Variants in PCDH15 observed in about 807,000 individuals in gnomAD.
PCDH15 encodes protocadherin-15.
Under a neutral mutation model 178.5 loss-of-function variants are expected in PCDH15, and 129 were observed. The observed-to-expected ratio is 0.72, with a 90% CI of 0.63 to 0.84. The LOEUF is 0.84. Ranked by LOEUF, PCDH15 falls within the 40% of genes least tolerant of loss-of-function variation. The pLI is 0.00. For missense variants in PCDH15, 2,230 were observed against 2,099.9 expected (o/e 1.06, Z -1.21); for synonymous variants, 800 against 732.0 (o/e 1.09, Z -1.50).
rs1447024478 is a variant in PCDH15, at chr10:54,062,254, AAAAAAC to A, written c.2220+4497_2220+4502del. Among the ~76,000 whole-genome samples the A allele has an allele frequency of 4.8e-4, 51 of 105,376 alleles. 6 individuals carry two copies. Among genetic ancestry groups the A allele is most frequent in the African/African-American group, 8.2e-4 (24 of 29,168 alleles). 69.1% of individuals were successfully genotyped at this position (105,376 alleles called of 152,430 possible). On this transcript the variant is annotated intron_variant, in intron 18 of 37. Coordinates refer to ENST00000644397, the MANE Select transcript of PCDH15 (RefSeq NM_001384140.1). ...AAAAAAAAAAAAAAAAAAAAAAAAC[AAAAAAC>A]AACTAAATGAAAACTCCCTTCAGCA... is the stretch of plus-strand genomic sequence containing the variant.
intron 5 of PCDH15, among the ~76,000 whole-genome samples, chr10:54,357,989 C>T (rs959990920): frequency 1.3e-5 from 2 of 151,902 alleles, no homozygotes; most frequent in African/African-American, 4.9e-5. Context: ...GGATCCCTTC[C>T]TTACACCTTA....
At chr10:54,101,252 C>T (rs2094806727) in intron 15 of PCDH15, among the ~76,000 whole-genome samples, 1 of 152,216 alleles carries the variant, frequency 6.6e-6, no homozygotes, top group South Asian at 2.1e-4. Context: ...TCCCCAGCTA[C>T]ATGAACTGTA....
rs1383091106 is a variant in PCDH15 at position 54,378,832 on chromosome 10, C to T, written c.268G>A (p.Val90Ile). 7.4e-6 allele frequency: 12 copies of T among 1,613,906 alleles called. No homozygotes were observed. Among genetic ancestry groups the T allele is most frequent in the Non-Finnish European group, 7.6e-6 (9 of 1,179,882 alleles). ...NVDYWVLMDP[V>I]KQMLFLNSTG... ...CTGTTCAGGAAAAGCATTTGCTTAA[C>T]AGGATCCATCAACACCCAGTAATCC... is the stretch of plus-strand genomic sequence containing the variant. The change falls in exon 4 of 38, where the codon GTT (valine) becomes ATT (isoleucine). Residue 90 changes from valine (V) to isoleucine (I), a missense_variant. Val to Ile is a conservative substitution (Grantham distance 29, BLOSUM62 3). Coordinates refer to ENST00000644397, the MANE Select transcript of PCDH15 (RefSeq NM_001384140.1).
intron 2 of PCDH15, among the ~76,000 whole-genome samples, chr10:54,977,920 T>A (rs1341169313): frequency 1.3e-5 from 2 of 152,184 alleles, no homozygotes; most frequent in African/African-American, 4.8e-5. Context: ...GACATTCAGA[T>A]AGAATAATTA....
At position 53,806,786 on chromosome 10, in the gene PCDH15, T is replaced by C. The variant is rs1397555638; in HGVS notation, c.5016A>G (p.Thr1672=). 6.2e-7 allele frequency: 1 copy of C among 1,613,836 alleles called. No individual in the cohort carries two copies. The highest frequency in any genetic ancestry group is 2.2e-5 in the East Asian group (1 of 44,866). The stretch of plus-strand genomic sequence containing the variant: ...CAGTCCCCACAGGGCAAGGGGCAAA[T>C]GTAACCAGAGTTGGTCTTGCATTCA... The part of the protein sequence containing the change: ...EKMNARPTLV[T]FAPCPVGTDN... The change falls in exon 38 of 38, where the codon ACA becomes ACG. Residue 1672 remains threonine (T), a synonymous_variant. Coordinates refer to ENST00000644397, the MANE Select transcript of PCDH15 (RefSeq NM_001384140.1).
chr10:55,025,085 C>A (rs1014710170), intron 2 of PCDH15, among the ~76,000 whole-genome samples: 3 of 152,090 alleles, frequency 2.0e-5, no homozygotes, highest in African/African-American at 7.2e-5. Flanking sequence ...TCTCTAATAC[C>A]TTTTAATGTC....
intron 5 of PCDH15, among the ~76,000 whole-genome samples, chr10:54,347,944 G>A (rs1027897904): frequency 2.6e-5 from 4 of 152,034 alleles, no homozygotes; most frequent in African/African-American, 9.7e-5. Flanking sequence ...TGCCTCCCGG[G>A]TTCACGCCAT....
At chr10:54,686,756 T>C (rs1405746020) in intron 1 of PCDH15, among the ~76,000 whole-genome samples, 3 of 152,172 alleles carry the variant, frequency 2.0e-5, no homozygotes, top group South Asian at 2.1e-4. Flanking sequence ...CAGTATTCTA[T>C]ATGTCTGTTG....
chr10:54,830,571 C>G (rs558818209), intron 3 of PCDH15, among the ~76,000 whole-genome samples: 224 of 149,668 alleles, frequency 1.5e-3, no homozygotes, highest in Admixed American at 5.3e-3. Context: ...ACATCACAAT[C>G]TGGGGACTGT....
intron 2 of PCDH15, among the ~76,000 whole-genome samples, chr10:55,621,514 C>G (rs1181292809): frequency 6.6e-6 from 1 of 152,166 alleles, no homozygotes; most frequent in Non-Finnish European, 1.5e-5. Flanking sequence ...GTGGCATTAC[C>G]ACCTGAGCTC....
chr10:54,357,084 C>T (rs1282399144), intron 5 of PCDH15, among the ~76,000 whole-genome samples: 2 of 152,060 alleles, frequency 1.3e-5, no homozygotes, highest in Non-Finnish European at 2.9e-5. Flanking sequence ...GGAAGCATTC[C>T]CTTTGAAAAT....
intron 21 of PCDH15, among the ~76,000 whole-genome samples, chr10:53,978,657 GTTTTTT>G (rs3066397): frequency 6.3e-5 from 9 of 143,236 alleles, no homozygotes; most frequent in African/African-American, 1.8e-4. Context: ...TCCAGAAAAT[GTTTTTT>G]TTTTTTTTTT....
At chr10:55,595,938 T>C (rs1842927962) in intron 2 of PCDH15, among the ~76,000 whole-genome samples, 2 of 152,136 alleles carry the variant, frequency 1.3e-5, no homozygotes, top group Non-Finnish European at 2.9e-5. Flanking sequence ...AATAATAATG[T>C]TTGCACTGCT....
intron 3 of PCDH15, among the ~76,000 whole-genome samples, chr10:54,868,247 T>G (rs1180057637): frequency 6.6e-6 from 1 of 152,180 alleles, no homozygotes; most frequent in Non-Finnish European, 1.5e-5. Flanking sequence ...AAATTATAGA[T>G]GTAGATTATT....
intron 1 of PCDH15, among the ~76,000 whole-genome samples, chr10:54,672,894 A>C (rs1034225477): frequency 6.6e-6 from 1 of 152,086 alleles, no homozygotes; most frequent in Admixed American, 6.6e-5. Flanking sequence ...ATAAGGTTTT[A>C]AATAATAGTC....
At chr10:55,098,714 T>A (rs562649007) in intron 2 of PCDH15, among the ~76,000 whole-genome samples, 1 of 152,056 alleles carries the variant, frequency 6.6e-6, no homozygotes, top group South Asian at 2.1e-4. Context: ...TGGAACCAAT[T>A]TGCGGGCTCT....
At chr10:55,339,489 A>C (rs932803485) in intron 2 of PCDH15, among the ~76,000 whole-genome samples, 2 of 152,184 alleles carry the variant, frequency 1.3e-5, no homozygotes, top group Admixed American at 6.5e-5. Flanking sequence ...AAATACAAAA[A>C]TGCCAGTGTA....
At chr10:55,319,956 A>G (rs941012777), upstream of PCDH15, among the ~76,000 whole-genome samples, 1 of 152,074 alleles carries the variant, frequency 6.6e-6, no homozygotes, top group Non-Finnish European at 1.5e-5. Flanking sequence ...GATCTTGCCC[A>G]TGAGACAGGG....
intron 2 of PCDH15, among the ~76,000 whole-genome samples, chr10:55,539,118 T>A (rs1454619955): frequency 2.0e-5 from 3 of 151,154 alleles, no homozygotes; most frequent in African/African-American, 7.3e-5. Flanking sequence ...CTTCTTCTAA[T>A]GTGTGTACTA....
Sources: allele counts gnomAD v4.1 joint callset (sites outside exome capture counted in the v4.1 genomes callset), GRCh38; gene constraint gnomAD v4.1.1; transcripts MANE v1.5; gene names NCBI Gene and HGNC (gene_info 2026-07-23, HGNC 2026-07-21).